Variants in ZNF253 observed in about 807,000 individuals in gnomAD.
The protein encoded by ZNF253 is DNA-binding protein.
A neutral mutation model predicts 11.9 loss-of-function variants in ZNF253; 8 were observed. The observed-to-expected ratio is 0.67, with a 90% CI of 0.40 to 1.22. The LOEUF (loss-of-function observed/expected upper bound fraction) is 1.22. Among genes scored for constraint, ZNF253 ranks in the 50% most tolerant of loss-of-function variants. The pLI, the probability that ZNF253 is intolerant of heterozygous loss-of-function variation, is 0.01. For synonymous variants in ZNF253, 194 were observed against 194.9 expected (o/e 1.00, Z 0.04); for missense variants, 485 against 586.9 (o/e 0.83, Z 1.79).
At chr19:19,886,490 C>G (rs2063206772) in intron 3 of ZNF253, among the ~76,000 whole-genome samples, 1 of 152,122 alleles carries the variant, frequency 6.6e-6, no homozygotes, top group African/African-American at 2.4e-5. Flanking sequence ...GGTTATGGGA[C>G]CTGGTGGGAC....
Position 19,891,557 on chromosome 19 carries a change from G to C in ZNF253, c.310G>C (p.Glu104Gln). 1 of 1,614,012 alleles carries C rather than the reference G, an allele frequency of 6.2e-7. No individual in the cohort carries two copies. The highest frequency in any genetic ancestry group is 2.2e-5 in the East Asian group (1 of 44,858). The change falls in exon 4 of 4, where the codon GAA becomes CAA. Residue 104 changes from glutamate (E) to glutamine (Q), a missense_variant. Glu to Gln is a conservative substitution (Grantham distance 29, BLOSUM62 2). Coordinates refer to ENST00000589717, the MANE Select transcript of ZNF253 (RefSeq NM_021047.3). ...AATAGGGATGCTGAGAAGATATGAA[G>C]AATGCAGACATGACAATTTACAGTT... ...FQIGMLRRYEECRHDNLQLKK... is the reference protein window; with the variant it reads ...FQIGMLRRYEQCRHDNLQLKK...
intron 1 of ZNF253, among the ~76,000 whole-genome samples, chr19:19,867,987 G>A (rs1207803490): frequency 2.0e-5 from 3 of 150,586 alleles, no homozygotes; most frequent in Middle Eastern, 3.5e-3. Context: ...CTAGCCACAT[G>A]TATATGTTCT....
chr19:19,867,357 ATCTTT>A (rs1388915959), intron 1 of ZNF253, among the ~76,000 whole-genome samples: 4 of 152,148 alleles, frequency 2.6e-5, no homozygotes, highest in Non-Finnish European at 5.9e-5. Context: ...TTTTTACTAA[ATCTTT>A]TATTTTATTT....
intron 3 of ZNF253, among the ~76,000 whole-genome samples, chr19:19,890,541 T>TGA (rs1555778373): frequency 4.9e-4 from 73 of 148,444 alleles, no homozygotes; most frequent in East Asian, 1.8e-3. Context: ...TGTGTGTGTG[T>TGA]GACAGAGTCT....
chr19:19,887,751 G>A (rs546819836), intron 3 of ZNF253, among the ~76,000 whole-genome samples: 41 of 148,278 alleles, frequency 2.8e-4, no homozygotes, highest in Admixed American at 1.2e-3. Flanking sequence ...AGAAAGGCAA[G>A]TTGGATCTTG....
In ZNF253 at chr19:19,892,243, A is replaced by C; in HGVS notation, c.996A>C (p.Arg332Ser). Residue 332 changes from arginine to serine, a missense_variant, in exon 4 of 4, where the codon AGA (arginine) becomes AGC (serine). Coordinates refer to ENST00000589717, the MANE Select transcript of ZNF253 (RefSeq NM_021047.3). ...KHCSNLTIHKRIHTGEKPYKC... is the reference protein window; with the variant it reads ...KHCSNLTIHKSIHTGEKPYKC... ...GCTCTAACCTTACTATACATAAGAGAATTCATACAGGAGAGAAACCCTACA... is the reference window on the plus strand; with the variant it reads ...GCTCTAACCTTACTATACATAAGAGCATTCATACAGGAGAGAAACCCTACA... 4.3e-6 allele frequency: 7 copies of C among 1,613,984 alleles called. No homozygotes were observed. Among genetic ancestry groups the C allele is most frequent in the Non-Finnish European group, 5.9e-6 (7 of 1,179,974 alleles).
intron 3 of ZNF253, among the ~76,000 whole-genome samples, chr19:19,888,441 A>T (rs867422361): frequency 1.3e-3 from 182 of 145,118 alleles, no homozygotes; most frequent in Middle Eastern, 3.5e-3. Context: ...TTTTTTTTTT[A>T]TTTTTGTATT....
chr19:19,881,846 T>G (rs1568497483), intron 3 of ZNF253, among the ~76,000 whole-genome samples: 1 of 151,936 alleles, frequency 6.6e-6, no homozygotes, highest in African/African-American at 2.4e-5. Flanking sequence ...GGATTTTTTT[T>G]TATTTCTTTG....
chr19:19,892,799 A>G lies in ZNF253; in HGVS notation c.*52A>G, dbSNP rs527867862. 3.3e-5 allele frequency: 50 copies of G among 1,497,192 alleles called. No individual in the cohort carries two copies. Among genetic ancestry groups the G allele is most frequent in the Admixed American group, 1.7e-4 (8 of 46,972 alleles). 92.7% of individuals were successfully genotyped at this position (1,497,192 alleles called of 1,614,324 possible). A position where few individuals can be genotyped will look rare whatever the true frequency, so the allele number is the denominator to read the frequency against. On this transcript the variant is annotated 3_prime_UTR_variant, in exon 4 of 4. Coordinates refer to ENST00000589717, the MANE Select transcript of ZNF253 (RefSeq NM_021047.3). ...TGTGATGAATGTGGGAAAGCCTTTA[A>G]CCAGCCCTCGACTCTTAGTAAATTT...
chr19:19,889,028 A>G (rs971428173), intron 3 of ZNF253, among the ~76,000 whole-genome samples: 20 of 152,110 alleles, frequency 1.3e-4, no homozygotes, highest in African/African-American at 4.8e-4. Flanking sequence ...TTATAAGACT[A>G]TGCTTATAAA....
rs375746335 is a variant in ZNF253 at position 19,891,766 on chromosome 19, A to G, written c.519A>G (p.Lys173=). ...KTRHTGINLF[K]CIICGKAFKR... ...GACATACTGGAATAAATCTTTTCAA[A>G]TGTATAATATGTGGCAAAGCTTTTA... Residue 173 remains lysine, a synonymous_variant, in exon 4 of 4, where the codon AAA becomes AAG. Transcript: ENST00000589717. The G allele has an allele frequency of 3.1e-6, 5 of 1,613,992 alleles. No homozygotes were observed. The African/African-American group carries it at 6.7e-5, about 22-fold the overall frequency.
chr19:19,886,573 C>G (rs2063207160), intron 3 of ZNF253, among the ~76,000 whole-genome samples: 1 of 152,164 alleles, frequency 6.6e-6, no homozygotes, highest in South Asian at 2.1e-4. Context: ...ACTTTTCACT[C>G]TATTAATTCA....
chr19:19,892,633 C>G lies in ZNF253; in HGVS notation c.1386C>G (p.Asn462Lys), dbSNP rs1262267410. The G allele has an allele frequency of 1.2e-6, 2 of 1,613,906 alleles. No individual in the cohort carries two copies. Among genetic ancestry groups the G allele is most frequent in the Non-Finnish European group, 1.7e-6 (2 of 1,179,918 alleles). The part of the protein sequence containing the change: ...YKCEECGKAF[N>K]WSSDLNKHKK... ...GTGAAGAATGTGGCAAAGCTTTTAA[C>G]TGGTCCTCAGACCTTAATAAACATA... The change falls in exon 4 of 4, where the codon AAC becomes AAG. Residue 462 changes from asparagine (N) to lysine (K), a missense_variant. By Grantham distance (94) the Asn-to-Lys change is moderately conservative (BLOSUM62 0). Transcript: ENST00000589717.
chr19:19,868,764 A>T (rs1026792869), intron 1 of ZNF253, among the ~76,000 whole-genome samples: 6 of 152,138 alleles, frequency 3.9e-5, no homozygotes, highest in Admixed American at 6.5e-5. Context: ...GCAAACCTTC[A>T]TGGCACGTGT....
chr19:19,888,873 T>G (rs1344212068), intron 3 of ZNF253, among the ~76,000 whole-genome samples: 1 of 152,214 alleles, frequency 6.6e-6, no homozygotes, highest in African/African-American at 2.4e-5. Flanking sequence ...TCTTTCAGCA[T>G]CTTTGATAGG....
rs2122144937 is a variant in ZNF253, at chr19:19,892,422, G to A, written c.1175G>A (p.Gly392Glu). Residue 392 changes from glycine (G) to glutamate (E), a missense_variant, in exon 4 of 4, where the codon GGA (glycine) becomes GAA (glutamate). Physicochemically the swap from Gly to Glu is moderately conservative, Grantham distance 98. Coordinates refer to ENST00000589717, the MANE Select transcript of ZNF253 (RefSeq NM_021047.3). The part of the protein sequence containing the change: ...TLFSHEKIHT[G>E]EKPYKCDECG... ...TTTTCACATGAGAAAATTCATACTG[G>A]AGAGAAACCCTACAAATGTGATGAA... The A allele has an allele frequency of 6.2e-7, 1 of 1,613,720 alleles. No homozygotes were observed. The highest frequency in any genetic ancestry group is 8.5e-7 in the Non-Finnish European group (1 of 1,179,944).
intron 3 of ZNF253, among the ~76,000 whole-genome samples, chr19:19,888,837 TTA>T: frequency 6.6e-6 from 1 of 152,214 alleles, no homozygotes; most frequent in Non-Finnish European, 1.5e-5. Context: ...TTTTCTTGTA[TTA>T]TGTTATTTTC....
At chr19:19,878,375 C>G in intron 1 of ZNF253, 106 bp from the exon 2 acceptor site, 3 of 1,578,822 alleles carry the variant, frequency 1.9e-6, no homozygotes, top group Middle Eastern at 3.4e-4. Flanking sequence ...TTTAGGCAGT[C>G]CTTTGAGTCA....
chr19:19,893,548 A>C lies in ZNF253; in HGVS notation c.*801A>C, dbSNP rs887284626. On this transcript the variant is annotated 3_prime_UTR_variant, in exon 4 of 4. Coordinates refer to ENST00000589717, the MANE Select transcript of ZNF253 (RefSeq NM_021047.3). ...ACTGCCAAAACTCCTGTAAGTGTGA[A>C]GAATGTGGCAAAATATTTTATTAGT... is the stretch of plus-strand genomic sequence containing the variant. 1 of 152,242 alleles carries C rather than the reference A, an allele frequency of 6.6e-6. No homozygotes were observed. Among genetic ancestry groups the C allele is most frequent in the African/African-American group, 2.4e-5 (1 of 41,470 alleles). The allele number at this position is 152,242 out of a possible 1,614,324, so 9.4% of individuals were successfully genotyped here.
Sources: allele counts gnomAD v4.1 joint callset (sites outside exome capture counted in the v4.1 genomes callset), GRCh38; gene constraint gnomAD v4.1.1; transcripts MANE v1.5; gene names NCBI Gene and HGNC (gene_info 2026-07-23, HGNC 2026-07-21).